The following CCDC7 variants were observed in gnomAD, a reference collection of about 807,000 sequenced individuals.
CCDC7 encodes the protein coiled-coil domain containing 7.
CCDC7 carries 183 observed loss-of-function variants against 196.9 expected under a neutral mutation model. The ratio of observed to expected loss-of-function variants is 0.93; its 90% CI spans 0.82 to 1.05. The LOEUF (loss-of-function observed/expected upper bound fraction) is 1.05, where lower values mean the gene tolerates loss of function less well. Among genes scored for constraint, CCDC7 ranks in the 50% least tolerant of loss-of-function variants. CCDC7 has a pLI of 0.00. For synonymous variants in CCDC7, 525 were observed against 484.6 expected (o/e 1.08, Z -1.10); for missense variants, 1,540 against 1,482.2 (o/e 1.04, Z -0.64).
At chr10:32,490,231 G>T (rs2041940759) in intron 8 of CCDC7, among the ~76,000 whole-genome samples, 1 of 152,134 alleles carries the variant, frequency 6.6e-6, no homozygotes, top group Non-Finnish European at 1.5e-5. Flanking sequence ...GCCCTACCAA[G>T]GCCACTTTCA....
At chr10:32,726,823 A>G (rs1198168224) in exon 26 of CCDC7, 3 of 1,566,818 alleles carry the variant, frequency 1.9e-6, no homozygotes, top group East Asian at 4.5e-5. Context: ...TGGAAGGGAA[A>G]GGCGTAATAG....
At chr10:32,795,941 C>T (rs1021050118) in intron 29 of CCDC7, among the ~76,000 whole-genome samples, 1 of 152,158 alleles carries the variant, frequency 6.6e-6, no homozygotes, top group African/African-American at 2.4e-5. Flanking sequence ...TAAATTTTCT[C>T]TTGCTGCGTT....
chr10:32,707,609 C>T (rs1359321649), intron 24 of CCDC7, among the ~76,000 whole-genome samples: 1 of 152,196 alleles, frequency 6.6e-6, no homozygotes, highest in African/African-American at 2.4e-5. Context: ...AGCTGATAAG[C>T]AACTTCAGCA....
In CCDC7 at chr10:32,821,468, A is replaced by G. The variant is rs1290250893; in HGVS notation, c.3182-3050A>G. 2.0e-5 allele frequency among the ~76,000 whole-genome samples: 3 copies of G among 152,282 alleles called. No individual in the cohort carries two copies. The South Asian group carries it at 6.2e-4, about 32-fold the overall frequency. ...CCAGCCATCCCATTACTGGGTATAT[A>G]CCCAAAGGATTATAAAACATGCTGC... On this transcript the variant is annotated intron_variant, in intron 31 of 41. Transcript: ENST00000639629.
At chr10:32,475,372 G>A (rs2038780894) in intron 8 of CCDC7, among the ~76,000 whole-genome samples, 1 of 152,122 alleles carries the variant, frequency 6.6e-6, no homozygotes, top group Non-Finnish European at 1.5e-5. Flanking sequence ...ACTGTTTCAT[G>A]TATTTTTGTC....
intron 11 of CCDC7, among the ~76,000 whole-genome samples, chr10:32,532,616 C>G (rs761726967): frequency 2.6e-5 from 4 of 152,122 alleles, no homozygotes; most frequent in Non-Finnish European, 5.9e-5. Flanking sequence ...CCCTAGAGAT[C>G]TATACTTTAG....
chr10:32,502,891 A>G (rs2044295969), intron 9 of CCDC7, among the ~76,000 whole-genome samples: 2 of 152,122 alleles, frequency 1.3e-5, no homozygotes, highest in Non-Finnish European at 2.9e-5. Context: ...GTGTATTCCC[A>G]AGTATTTTAT....
intron 28 of CCDC7, among the ~76,000 whole-genome samples, chr10:32,733,509 T>C (rs766502775): frequency 6.6e-6 from 1 of 152,168 alleles, no homozygotes; most frequent in Non-Finnish European, 1.5e-5. Context: ...AGTAGTATGA[T>C]AATTTTCAAT....
intron 18 of CCDC7, among the ~76,000 whole-genome samples, chr10:32,593,545 T>C (rs967807290): frequency 1.1e-4 from 17 of 152,232 alleles, no homozygotes; most frequent in African/African-American, 3.9e-4. Flanking sequence ...AGAAGCTCTT[T>C]AGTTTAATTA....
chr10:32,678,022 A>G (rs983535309), intron 21 of CCDC7, among the ~76,000 whole-genome samples: 1 of 151,930 alleles, frequency 6.6e-6, no homozygotes, highest in Non-Finnish European at 1.5e-5. Context: ...TTTTCAGTTT[A>G]TCCATTGTGT....
chr10:32,604,298 G>A (rs1324102867), intron 18 of CCDC7, among the ~76,000 whole-genome samples: 1 of 151,994 alleles, frequency 6.6e-6, no homozygotes, highest in Non-Finnish European at 1.5e-5. Context: ...TGGTCTATGT[G>A]TCTGTTTTTG....
At chr10:32,663,353 A>G (rs917354120) in intron 20 of CCDC7, among the ~76,000 whole-genome samples, 14 of 152,206 alleles carry the variant, frequency 9.2e-5, no homozygotes, top group African/African-American at 2.2e-4. Flanking sequence ...AGATTTAACA[A>G]TGGTCATTGG....
At chr10:32,833,359 A>ATTTT (rs776856065) in intron 32 of CCDC7, among the ~76,000 whole-genome samples, 7 of 91,626 alleles carry the variant, frequency 7.6e-5, no homozygotes, top group African/African-American at 1.9e-4. Context: ...TTTTTAAAAA[A>ATTTT]AAAAAAAAGA....
chr10:32,868,256 C>T (rs1189990197), intron 41 of CCDC7, among the ~76,000 whole-genome samples: 11 of 151,940 alleles, frequency 7.2e-5, no homozygotes, highest in Non-Finnish European at 1.6e-4. Context: ...TCCTGTTCTA[C>T]TCTTTTGGGT....
At chr10:32,637,688 G>C (rs999818138) in intron 20 of CCDC7, among the ~76,000 whole-genome samples, 3 of 152,074 alleles carry the variant, frequency 2.0e-5, no homozygotes, top group Non-Finnish European at 4.4e-5. Flanking sequence ...TGTTCTTTTG[G>C]CTTAGAATTG....
At chr10:32,754,539 A>G (rs2076119938) in intron 28 of CCDC7, among the ~76,000 whole-genome samples, 1 of 152,220 alleles carries the variant, frequency 6.6e-6, no homozygotes, top group Non-Finnish European at 1.5e-5. Flanking sequence ...AAACTTGGCA[A>G]CAATAACATA....
intron 22 of CCDC7, among the ~76,000 whole-genome samples, chr10:32,686,693 G>A (rs2076503411): frequency 6.6e-6 from 1 of 152,228 alleles, no homozygotes; most frequent in Non-Finnish European, 1.5e-5. Flanking sequence ...AGGGACCATA[G>A]TTTGACAGTT....
chr10:32,629,830 C>T (rs1229050376), intron 18 of CCDC7, among the ~76,000 whole-genome samples: 1 of 152,186 alleles, frequency 6.6e-6, no homozygotes, highest in African/African-American at 2.4e-5. Flanking sequence ...CCTCTTTTCA[C>T]AGTGATATTG....
At chr10:32,849,716 A>AG (rs1555195265) in intron 39 of CCDC7, among the ~76,000 whole-genome samples, 1 of 151,584 alleles carries the variant, frequency 6.6e-6, no homozygotes, top group Non-Finnish European at 1.5e-5. Flanking sequence ...AAAAAAAAAA[A>AG]AAAAGAAAAG....
Sources: gnomAD v4.1 joint callset for allele counts (sites outside exome capture counted in the v4.1 genomes callset) on GRCh38, gnomAD v4.1.1 for gene constraint, MANE v1.5 for transcripts, NCBI Gene and HGNC (gene_info 2026-07-23, HGNC 2026-07-21) for gene names.